Variants in ALG1L2 observed in about 807,000 individuals in gnomAD.
ALG1L2 encodes the protein ALG1 chitobiosyldiphosphodolichol beta-mannosyltransferase like 2, also known as putative glycosyltransferase ALG1L2.
ALG1L2 carries 32 observed loss-of-function variants against 29.0 expected under a neutral mutation model. That is an observed-to-expected ratio of 1.10 (90% CI 0.83 to 1.48). The LOEUF is 1.48. ALG1L2 is among the 40% of genes most tolerant of loss of function. The pLI is 0.00. For synonymous variants in ALG1L2, 110 were observed against 109.5 expected (o/e 1.00, Z -0.03); for missense variants, 318 against 274.1 (o/e 1.16, Z -1.13).
intron 6 of ALG1L2, 74 bp from the exon 7 acceptor site, chr3:130,097,101 G>A (rs2108125320): frequency 1.3e-6 from 2 of 1,584,666 alleles, no homozygotes; most frequent in South Asian, 1.1e-5. Flanking sequence ...GGGTGGGTGG[G>A]AGCCCAGCTG....
chr3:130,098,347 T>G lies in ALG1L2; in HGVS notation c.*92T>G. ...GAGCTGGGTGCAGACTGTGCTCCCT[T>G]TGGTTATGGACACATAACTCCTGGG... On this transcript the variant is annotated 3_prime_UTR_variant, in exon 8 of 8. Coordinates refer to ENST00000425059, the MANE Select transcript of ALG1L2 (RefSeq NM_001136152.1). 6.3e-7 allele frequency: 1 copy of G among 1,596,344 alleles called. No homozygotes were observed. Among genetic ancestry groups the G allele is most frequent in the Non-Finnish European group, 8.5e-7 (1 of 1,179,696 alleles).
At chr3:130,084,548 C>T (rs1934851279) in intron 1 of ALG1L2, among the ~76,000 whole-genome samples, 1 of 131,246 alleles carries the variant, frequency 7.6e-6, no homozygotes, top group African/African-American at 2.6e-5. Context: ...AACAGCAGCA[C>T]TTATGGGCGG....
rs1449871493 is a variant in ALG1L2 at position 130,083,440 on chromosome 3, C to T, written c.20+1404C>T. On this transcript the variant is annotated intron_variant, in intron 1 of 7. Coordinates refer to ENST00000425059, the MANE Select transcript of ALG1L2 (RefSeq NM_001136152.1). ...CCTGGGCAAGAGAGCAAGACTCTGT[C>T]TCGGGAAAAAAACAAAAACAAACAA... is the stretch of plus-strand genomic sequence containing the variant. 3.9e-5 allele frequency among the ~76,000 whole-genome samples: 5 copies of T among 128,068 alleles called. 1 individual carries two copies. Among genetic ancestry groups the T allele is most frequent in the African/African-American group, 1.3e-4 (5 of 38,220 alleles). The allele number at this position is 128,068 out of a possible 152,430, so 84.0% of individuals were successfully genotyped here.
At position 130,093,116 on chromosome 3, in the gene ALG1L2, C is replaced by T; in HGVS notation, c.269C>T (p.Thr90Ile). ...STSWTEFEQL[T>I]LDGQNLPSLV... ...TTAAACACAGAGTTTGAACAACTGACTCTTGACGGACAGAACCTTCCTTCT... is the reference window on the plus strand; with the variant it reads ...TTAAACACAGAGTTTGAACAACTGATTCTTGACGGACAGAACCTTCCTTCT... The change falls in exon 4 of 8, where the codon ACT becomes ATT. Residue 90 changes from threonine to isoleucine, a missense_variant. Coordinates refer to ENST00000425059, the MANE Select transcript of ALG1L2 (RefSeq NM_001136152.1). The T allele has an allele frequency of 6.2e-7, 1 of 1,606,190 alleles. No individual in the cohort carries two copies. Among genetic ancestry groups the T allele is most frequent in the Non-Finnish European group, 8.5e-7 (1 of 1,177,040 alleles).
In ALG1L2 at chr3:130,084,595, G is replaced by A. The variant is rs188194896; in HGVS notation, c.20+2559G>A. Among the ~76,000 whole-genome samples the A allele has an allele frequency of 1.2e-4, 16 of 131,550 alleles. 3 individuals carry two copies. The highest frequency in any genetic ancestry group is 1.6e-4 in the Admixed American group (2 of 12,476). The allele number at this position is 131,550 out of a possible 152,430, so 86.3% of individuals were successfully genotyped here. A position where few individuals can be genotyped will look rare whatever the true frequency, so the allele number is the denominator to read the frequency against. On this transcript the variant is annotated intron_variant, in intron 1 of 7. Transcript: ENST00000425059. Reference sequence around the variant, plus strand: ...TGAAGATTAAATGAAGAGTTTATACGGGAAGGGCTCAGAATGCTGCTGTAT... The same window carrying A: ...TGAAGATTAAATGAAGAGTTTATACAGGAAGGGCTCAGAATGCTGCTGTAT...
intron 3 of ALG1L2, 97 bp downstream of exon 3, chr3:130,092,319 A>C (rs1290487041): frequency 6.3e-7 from 1 of 1,591,402 alleles, no homozygotes; most frequent in Non-Finnish European, 8.5e-7. Context: ...CCCCAACCCC[A>C]CCACGGTCTC....
chr3:130,095,130 C>T (rs1163772127), intron 5 of ALG1L2, among the ~76,000 whole-genome samples: 1 of 152,126 alleles, frequency 6.6e-6, no homozygotes, highest in Non-Finnish European at 1.5e-5. Context: ...TGGGTTCAAG[C>T]AATTCTCCCA....
intron 5 of ALG1L2, among the ~76,000 whole-genome samples, chr3:130,095,320 C>G (rs1402434485): frequency 6.6e-6 from 1 of 151,504 alleles, no homozygotes; most frequent in African/African-American, 2.4e-5. Flanking sequence ...TGTGACCCAT[C>G]ATGCCTGGCC....
intron 1 of ALG1L2, among the ~76,000 whole-genome samples, chr3:130,087,912 A>G (rs1434582617): frequency 2.0e-5 from 3 of 152,370 alleles, no homozygotes; most frequent in African/African-American, 7.2e-5. Context: ...AACTCCAGAC[A>G]TCGGCATGTG....
chr3:130,091,418 C>T, intron 2 of ALG1L2, 47 bp downstream of exon 2: 2 of 1,555,702 alleles, frequency 1.3e-6, no homozygotes, highest in Non-Finnish European at 1.7e-6. Flanking sequence ...CGCCACTGCC[C>T]TGGCCTCTCC....
intron 1 of ALG1L2, among the ~76,000 whole-genome samples, chr3:130,088,050 T>G (rs1187149825): frequency 1.3e-5 from 2 of 152,304 alleles, no homozygotes; most frequent in Non-Finnish European, 2.9e-5. Context: ...GTCTGCTTGT[T>G]TTGAGATCTG....
chr3:130,085,887 C>T (rs1414951229), intron 1 of ALG1L2, among the ~76,000 whole-genome samples: 1 of 151,180 alleles, frequency 6.6e-6, no homozygotes, highest in African/African-American at 2.4e-5. Flanking sequence ...CACTTAGCAG[C>T]CCAGGTGAAG....
At chr3:130,087,487 T>C (rs1310461060) in intron 1 of ALG1L2, among the ~76,000 whole-genome samples, 1 of 133,880 alleles carries the variant, frequency 7.5e-6, no homozygotes, top group African/African-American at 2.5e-5. Flanking sequence ...ACTGGCGAAA[T>C]CTGAATGAGG....
chr3:130,093,978 C>A, intron 4 of ALG1L2: 2 of 247,886 alleles, frequency 8.1e-6, no homozygotes, highest in South Asian at 4.3e-5. Flanking sequence ...CGGCTTGGAA[C>A]CCGCGCCATG....
intron 6 of ALG1L2, 139 bp from the exon 7 acceptor site, chr3:130,097,036 A>G (rs1935153755): frequency 8.9e-6 from 13 of 1,456,870 alleles, no homozygotes; most frequent in Non-Finnish European, 1.1e-5. Context: ...AAATCTAAGA[A>G]CCACCTCCCA....
At position 130,096,584 on chromosome 3, in the gene ALG1L2, G is replaced by C. The variant is rs548695287; in HGVS notation, c.539+421G>C. Among the ~76,000 whole-genome samples the C allele has an allele frequency of 3.0e-3, 456 of 151,682 alleles. 1 individual carries two copies. The highest frequency in any genetic ancestry group is 5.8e-3 in the East Asian group (30 of 5,184). ...CCATGTCCCTTTTGGCCAAGCTCAC[G>C]TGGTGGGTTTGAATCAGTTAAATGA... On this transcript the variant is annotated intron_variant, in intron 6 of 7. Transcript: ENST00000425059.
At chr3:130,091,453 C>T (rs1394053889) in intron 2 of ALG1L2, 82 bp downstream of exon 2, 3 of 1,419,310 alleles carry the variant, frequency 2.1e-6, no homozygotes, top group Non-Finnish European at 2.9e-6. Context: ...ACCTGGGAAC[C>T]CACTCATCCA....
chr3:130,097,532 G>A (rs1227659734), intron 7 of ALG1L2, among the ~76,000 whole-genome samples: 7 of 152,244 alleles, frequency 4.6e-5, no homozygotes, highest in Non-Finnish European at 1.0e-4. Flanking sequence ...TGCAGTTTAG[G>A]AAGTGATCAG....
At chr3:130,084,911 G>A (rs1577324528) in intron 1 of ALG1L2, among the ~76,000 whole-genome samples, 1 of 123,064 alleles carries the variant, frequency 8.1e-6, no homozygotes, top group African/African-American at 2.6e-5. Context: ...ACACATATAT[G>A]TAGTGTGTGT....
Sources: allele counts gnomAD v4.1 joint callset (sites outside exome capture counted in the v4.1 genomes callset), GRCh38; gene constraint gnomAD v4.1.1; transcripts MANE v1.5; gene names NCBI Gene and HGNC (gene_info 2026-07-23, HGNC 2026-07-21).